CNTN2: variants seen among roughly 807,000 people sequenced by gnomAD.
CNTN2 encodes the protein contactin-2.
Under a neutral mutation model 117.5 loss-of-function variants are expected in CNTN2, and 53 were observed. The observed-to-expected ratio is 0.45, with a 90% confidence interval of 0.36 to 0.57. CNTN2 has a LOEUF of 0.57. CNTN2 is among the 20% of genes least tolerant of loss of function. The pLI is 0.00. For synonymous variants in CNTN2, 530 were observed against 561.7 expected, an observed-to-expected ratio of 0.94 and a Z score of 0.80; for missense variants, 1,106 against 1,404.3, an observed-to-expected ratio of 0.79 and a Z score of 3.39.
At chr1:205,044,381 G>A (rs1453643243) in intron 1 of CNTN2, among the ~76,000 whole-genome samples, 1 of 151,886 alleles carries the variant, frequency 6.6e-6, no homozygotes, top group Non-Finnish European at 1.5e-5. Flanking sequence ...CCTATGGAAG[G>A]GGAGAATCCT....
intron 10 of CNTN2, 97 bp downstream of exon 10, chr1:205,062,666 C>G: frequency 7.3e-7 from 1 of 1,367,190 alleles, no homozygotes; most frequent in Non-Finnish European, 9.7e-7. Context: ...CATGCACATA[C>G]CCTGTGGCCA....
In CNTN2 at chr1:205,073,710, C is replaced by T. The variant is rs1251369722; in HGVS notation, c.3068C>T (p.Thr1023Ile). Residue 1023 changes from threonine (T) to isoleucine (I), a missense_variant, in exon 23 of 23, where the codon ACC (threonine) becomes ATC (isoleucine). Thr to Ile is a moderately conservative substitution (Grantham distance 89). Transcript: ENST00000331830. This position sits in a 1 kb window ranked among gnomAD's most constrained non-coding sequence, Gnocchi z 6.3. Reference sequence around the variant, plus strand: ...GTCCGCCCAGCACCACACCCTGGCACCGTCATTTCCCACTCCGTGGCGATG... The same window carrying T: ...GTCCGCCCAGCACCACACCCTGGCATCGTCATTTCCCACTCCGTGGCGATG... ...MAVRPAPHPGTVISHSVAMLI... is the reference protein window; with the variant it reads ...MAVRPAPHPGIVISHSVAMLI... 2 of 1,614,106 alleles carry T rather than the reference C, an allele frequency of 1.2e-6. No homozygotes were observed. The highest frequency in any genetic ancestry group is 1.7e-6 in the Non-Finnish European group (2 of 1,180,032).
chr1:205,062,291 C>G, intron 9 of CNTN2, 149 bp from the exon 10 acceptor site: 1 of 1,165,474 alleles, frequency 8.6e-7, no homozygotes, highest in Non-Finnish European at 1.2e-6. Context: ...CCTGAGGTTC[C>G]AGGCAGCCCT....
At position 205,064,350 on chromosome 1, in the gene CNTN2, C is replaced by A; in HGVS notation, c.1269C>A (p.Pro423=). The A allele has an allele frequency of 6.3e-7, 1 of 1,597,404 alleles. No individual in the cohort carries two copies. Among genetic ancestry groups the A allele is most frequent in the African/African-American group, 1.3e-5 (1 of 74,386 alleles). Reference sequence around the variant, plus strand: ...TCGCCCCTGACTTCAGGCTGAATCCCGTGAGGCGTCTGATCCCCGCGGCCC... The same window carrying A: ...TCGCCCCTGACTTCAGGCTGAATCCAGTGAGGCGTCTGATCCCCGCGGCCC... ...QALAPDFRLN[P]VRRLIPAARG... Residue 423 remains proline, a synonymous_variant, in exon 11 of 23, where the codon CCC becomes CCA. Coordinates refer to ENST00000331830, the MANE Select transcript of CNTN2 (RefSeq NM_005076.5).
chr1:205,049,166 T>C (rs1351366006), intron 1 of CNTN2, among the ~76,000 whole-genome samples: 1 of 151,938 alleles, frequency 6.6e-6, no homozygotes, highest in Non-Finnish European at 1.5e-5. Context: ...TAATTACTTA[T>C]GGTAATAGAG....
intron 19 of CNTN2, 47 bp downstream of exon 19, chr1:205,070,585 C>A: frequency 7.2e-7 from 1 of 1,381,738 alleles, no homozygotes; most frequent in Non-Finnish European, 1.0e-6. Context: ...GCTGGGGCTT[C>A]AAAGCCAGGT....
At chr1:205,069,454 T>C in intron 16 of CNTN2, 37 bp from the exon 17 acceptor site, 1 of 1,606,678 alleles carries the variant, frequency 6.2e-7, no homozygotes, top group Non-Finnish European at 8.5e-7. Context: ...TCCTTGCTCA[T>C]TAACAAGCCA....
At chr1:205,051,940 G>T (rs1262463261) in intron 1 of CNTN2, among the ~76,000 whole-genome samples, 1 of 152,156 alleles carries the variant, frequency 6.6e-6, no homozygotes, top group African/African-American at 2.4e-5. Context: ...CCATCCAGGG[G>T]ACAGCATTCC....
rs1216139113 is a variant in CNTN2 at position 205,072,137 on chromosome 1, AGTCT to A, written c.2731+10_2731+13del. ...AACGCCACGACCATGAAGCCCCGTG[AGTCT>A]GTCTGCCTGGGGTGGGGGTAGGGCA... On this transcript the variant is annotated splice_donor_5th_base_variant and intron_variant, in intron 20 of 22. Coordinates refer to ENST00000331830, the MANE Select transcript of CNTN2 (RefSeq NM_005076.5). 6.2e-7 allele frequency: 1 copy of A among 1,604,032 alleles called. No homozygotes were observed. Among genetic ancestry groups the A allele is most frequent in the East Asian group, 2.2e-5 (1 of 44,806 alleles).
chr1:205,059,584 T>C lies in CNTN2; in HGVS notation c.699T>C (p.Asp233=), dbSNP rs370282258. ...KFAQLNLAAE[D]TRLFAPSIKA... is the part of the protein sequence containing the mutation. ...ATTTGTAAAACCCTCTCTCCCCAGATACCCGGCTCTTTGCACCCAGCATCA... is the reference window on the plus strand; with the variant it reads ...ATTTGTAAAACCCTCTCTCCCCAGACACCCGGCTCTTTGCACCCAGCATCA... Residue 233 remains aspartate, a splice_region_variant and synonymous_variant, in exon 7 of 23, where the codon GAT becomes GAC. Coordinates refer to ENST00000331830, the MANE Select transcript of CNTN2 (RefSeq NM_005076.5). The surrounding 1 kb of genome is among the most constrained non-coding windows in gnomAD (Gnocchi z 5.6). 5.6e-6 allele frequency: 9 copies of C among 1,613,982 alleles called. No homozygotes were observed. The African/African-American group carries it at 1.1e-4, about 19-fold the overall frequency.
Position 205,067,107 on chromosome 1 carries a change from C to T in CNTN2, c.1982C>T (p.Ala661Val). ...ACTCCCTGGTGCCTTGCAGATCCTG[C>T]AAACATCGAGGGCAATGCCGAGACT... is the stretch of plus-strand genomic sequence containing the variant. ...GKWKQVRTNP[A>V]NIEGNAETAQ... is the part of the protein sequence containing the mutation. Residue 661 changes from alanine (A) to valine (V), a missense_variant, in exon 16 of 23, where the codon GCA becomes GTA. Physicochemically the swap from Ala to Val is moderately conservative, Grantham distance 64. Coordinates refer to ENST00000331830, the MANE Select transcript of CNTN2 (RefSeq NM_005076.5). The T allele has an allele frequency of 6.2e-7, 1 of 1,608,964 alleles. No individual in the cohort carries two copies. The highest frequency in any genetic ancestry group is 8.5e-7 in the Non-Finnish European group (1 of 1,177,616).
In CNTN2 at chr1:205,053,103, CT is replaced by C. The variant is rs199820817; in HGVS notation, c.-80del. ...TCCTTTCTGTCTGCCTCCCCAGGTC[CT>C]TTCTCAGCCTCCAGCTGGGCTGTCC... On this transcript the variant is annotated 5_prime_UTR_variant, in exon 2 of 23. Transcript: ENST00000331830. 9.2e-4 allele frequency: 1,008 copies of C among 1,097,896 alleles called. 12 individuals are homozygous for C. In the East Asian group the frequency reaches 0.018, roughly 19 times the overall value. 68.0% of individuals were successfully genotyped at this position (1,097,896 alleles called of 1,614,324 possible). A position where few individuals can be genotyped will look rare whatever the true frequency, so the allele number is the denominator to read the frequency against.
At chr1:205,072,878 C>T (rs930114304) in intron 21 of CNTN2, 190 bp from the exon 22 acceptor site, 14 of 663,764 alleles carry the variant, frequency 2.1e-5, no homozygotes, top group South Asian at 3.9e-5. Flanking sequence ...AAGGAGTCTA[C>T]GGAAACAGTT....
intron 1 of CNTN2, among the ~76,000 whole-genome samples, chr1:205,050,330 AGAGT>A (rs2096450450): frequency 6.6e-6 from 1 of 151,534 alleles, no homozygotes; most frequent in African/African-American, 2.4e-5. Flanking sequence ...AGAGAGAGAG[AGAGT>A]TTGTCTTGGG....
Position 205,062,066 on chromosome 1 carries a change from C to G in CNTN2, c.1110+65C>G, listed in dbSNP as rs574440256. ...CCTCTGCTCACTTGGTTCCCTCCCC[C>G]GCCCAGAACTTCCCCTGCACCACTA... On this transcript the variant is annotated intron_variant, in intron 9 of 22. Coordinates refer to ENST00000331830, the MANE Select transcript of CNTN2 (RefSeq NM_005076.5). 9 of 1,560,886 alleles carry G rather than the reference C, an allele frequency of 5.8e-6. No individual in the cohort carries two copies. In the African/African-American group the frequency reaches 6.8e-5, roughly 12 times the overall value.
intron 11 of CNTN2, 47 bp from the exon 12 acceptor site, chr1:205,064,576 G>C: frequency 1.2e-6 from 2 of 1,606,478 alleles, no homozygotes; most frequent in Non-Finnish European, 1.7e-6. Context: ...CCAGCCCCAG[G>C]GACAACCATG....
At chr1:205,045,417 G>A (rs920999595) in intron 1 of CNTN2, among the ~76,000 whole-genome samples, 1 of 152,154 alleles carries the variant, frequency 6.6e-6, no homozygotes, top group Non-Finnish European at 1.5e-5. Flanking sequence ...TGCTTAACGG[G>A]GTGATTGCAC....
Position 205,073,512 on chromosome 1 carries a change from G to C in CNTN2, c.3014-144G>C. On this transcript the variant is annotated intron_variant, in intron 22 of 22. Transcript: ENST00000331830. This position sits in a 1 kb window ranked among gnomAD's most constrained non-coding sequence, Gnocchi z 6.3. The stretch of plus-strand genomic sequence containing the variant: ...AAACGGCCTACAAAGCACCGTAGGA[G>C]TCGGACTGAGAAGACCACCCAGCCG... 1.3e-6 allele frequency: 1 copy of C among 779,808 alleles called. No homozygotes were observed. Among genetic ancestry groups the C allele is most frequent in the East Asian group, 2.7e-5 (1 of 37,342 alleles). 48.3% of individuals were successfully genotyped at this position (779,808 alleles called of 1,614,324 possible).
chr1:205,071,507 C>T (rs1190460783), intron 19 of CNTN2, among the ~76,000 whole-genome samples: 2 of 152,188 alleles, frequency 1.3e-5, no homozygotes, highest in African/African-American at 2.4e-5. Flanking sequence ...GCATATTTAG[C>T]AGGTCTTCAT....
Sources: allele counts gnomAD v4.1 joint callset (sites outside exome capture counted in the v4.1 genomes callset), GRCh38; gene constraint gnomAD v4.1.1; non-coding constraint Gnocchi (gnomAD v3.1); transcripts MANE v1.5; gene names NCBI Gene and HGNC (gene_info 2026-07-23, HGNC 2026-07-21).